Variants in CSMD3 observed in about 807,000 individuals in gnomAD.
The protein encoded by CSMD3 is CUB and Sushi multiple domains 3.
CSMD3 carries 177 observed loss-of-function variants against 435.2 expected under a neutral mutation model. The observed-to-expected ratio is 0.41, with a 90% CI of 0.36 to 0.46. The LOEUF (loss-of-function observed/expected upper bound fraction) is 0.46. CSMD3 is among the 20% of genes least tolerant of loss of function. The pLI, the probability that CSMD3 is intolerant of heterozygous loss-of-function variation, is 0.34. For synonymous variants in CSMD3, 1,656 were observed against 1,520.5 expected (o/e 1.09, Z -2.07); for missense variants, 4,265 against 4,504.6 (o/e 0.95, Z 1.52).
intron 13 of CSMD3, among the ~76,000 whole-genome samples, chr8:112,714,825 G>A (rs1259933735): frequency 1.3e-5 from 2 of 152,020 alleles, no homozygotes; most frequent in African/African-American, 4.8e-5. Context: ...AAAGACTCCT[G>A]GTTAAAAATA....
chr8:113,382,911 G>C (rs1294510428), intron 1 of CSMD3, among the ~76,000 whole-genome samples: 1 of 152,196 alleles, frequency 6.6e-6, no homozygotes, highest in Non-Finnish European at 1.5e-5. Flanking sequence ...AACATGGCAA[G>C]TGGAGGTTGC....
chr8:112,330,522 T>C (rs1447009985), intron 45 of CSMD3, among the ~76,000 whole-genome samples: 1 of 152,096 alleles, frequency 6.6e-6, no homozygotes, highest in Non-Finnish European at 1.5e-5. Context: ...CCTGGTTATT[T>C]TGAGTGACAT....
At chr8:113,186,224 A>T (rs541854826) in intron 3 of CSMD3, among the ~76,000 whole-genome samples, 7 of 152,076 alleles carry the variant, frequency 4.6e-5, no homozygotes, top group African/African-American at 1.7e-4. Context: ...CTATGTGGGC[A>T]TCCTTTTAAT....
intron 5 of CSMD3, among the ~76,000 whole-genome samples, chr8:113,042,622 T>C (rs1297288987): frequency 1.3e-5 from 2 of 152,190 alleles, no homozygotes; most frequent in Non-Finnish European, 2.9e-5. Flanking sequence ...CCTAGATTTA[T>C]GTGTCTTTTC....
rs1185721234 is a variant in CSMD3 at position 113,228,718 on chromosome 8, A to T, written c.514+49874T>A. Among the ~76,000 whole-genome samples the T allele has an allele frequency of 2.0e-5, 3 of 151,514 alleles. No individual in the cohort carries two copies. The East Asian group carries it at 5.8e-4, about 29-fold the overall frequency. On this transcript the variant is annotated intron_variant, in intron 3 of 70. Coordinates refer to ENST00000297405, the MANE Select transcript of CSMD3 (RefSeq NM_198123.2). ...TCTGATCTCTCAAGGATAGCGAAAG[A>T]GTGTGAAAATATGAAAGGAACCCCT... is the stretch of plus-strand genomic sequence containing the variant.
At chr8:113,377,106 C>A in intron 1 of CSMD3, 2 of 1,271,572 alleles carry the variant, frequency 1.6e-6, no homozygotes, top group South Asian at 1.4e-5. Context: ...CCCCCAAGGG[C>A]TGCGGCGTCG....
intron 3 of CSMD3, among the ~76,000 whole-genome samples, chr8:113,202,421 T>C (rs536144002): frequency 3.2e-4 from 48 of 152,228 alleles, no homozygotes; most frequent in African/African-American, 1.1e-3. Context: ...TGTCTTTGTT[T>C]ACTTGCAAGT....
intron 5 of CSMD3, 58 bp from the exon 6 acceptor site, chr8:113,019,237 T>A: frequency 9.1e-7 from 1 of 1,104,538 alleles, no homozygotes; most frequent in Non-Finnish European, 1.4e-6. Context: ...AGTAAACGTT[T>A]TCACAAAATT....
At chr8:113,164,123 T>C (rs2092102498) in intron 4 of CSMD3, among the ~76,000 whole-genome samples, 2 of 152,058 alleles carry the variant, frequency 1.3e-5, no homozygotes, top group Admixed American at 6.6e-5. Flanking sequence ...ATAATGCTGA[T>C]TCTAACAAAG....
At chr8:112,654,458 A>G (rs1377293117) in intron 18 of CSMD3, among the ~76,000 whole-genome samples, 1 of 152,210 alleles carries the variant, frequency 6.6e-6, no homozygotes, top group Non-Finnish European at 1.5e-5. Context: ...GATTTGACCA[A>G]ATTAATAACA....
intron 22 of CSMD3, among the ~76,000 whole-genome samples, chr8:112,599,232 A>G (rs2131406642): frequency 6.6e-6 from 1 of 151,424 alleles, no homozygotes; most frequent in African/African-American, 2.4e-5. Context: ...ACTTCTCAAA[A>G]GAAGACATTT....
In CSMD3 at chr8:112,587,050, G is replaced by T. The variant is rs1452426557; in HGVS notation, c.3885+16C>A. On this transcript the variant is annotated intron_variant, in intron 23 of 70. Transcript: ENST00000297405. ...CTAAAAATGAACAATATACAAGTAT[G>T]TCTGAGTTCACCTACCTTAAGAACA... 1 of 1,586,038 alleles carries T rather than the reference G, an allele frequency of 6.3e-7. No homozygotes were observed. Among genetic ancestry groups the T allele is most frequent in the Non-Finnish European group, 8.7e-7 (1 of 1,155,976 alleles).
intron 61 of CSMD3, among the ~76,000 whole-genome samples, chr8:112,262,134 T>C (rs1444927536): frequency 6.6e-6 from 1 of 152,084 alleles, no homozygotes; most frequent in Non-Finnish European, 1.5e-5. Flanking sequence ...TTTAAAACTT[T>C]TATATTTAAA....
intron 19 of CSMD3, among the ~76,000 whole-genome samples, chr8:112,648,692 G>A (rs1348025887): frequency 6.6e-6 from 1 of 152,162 alleles, no homozygotes; most frequent in African/African-American, 2.4e-5. Flanking sequence ...ATTAATAAAA[G>A]TTAAGCGTGT....
At chr8:112,459,356 T>TGG (rs1443242729) in intron 32 of CSMD3, among the ~76,000 whole-genome samples, 1 of 85,870 alleles carries the variant, frequency 1.2e-5, no homozygotes, top group African/African-American at 6.3e-5. Context: ...TGTGTGTGTG[T>TGG]GTGGGGGGGG....
At chr8:113,219,867 T>G (rs953631898) in intron 3 of CSMD3, among the ~76,000 whole-genome samples, 1 of 151,450 alleles carries the variant, frequency 6.6e-6, no homozygotes, top group Non-Finnish European at 1.5e-5. Context: ...TCTGGAAAAA[T>G]GTTTGAAATA....
chr8:112,752,914 T>C lies in CSMD3; in HGVS notation c.1972+47248A>G, dbSNP rs1002345611. On this transcript the variant is annotated intron_variant, in intron 13 of 70. Transcript: ENST00000297405. The stretch of plus-strand genomic sequence containing the variant: ...ATTTGTTACCGCGTGTGTGTGTGTG[T>C]GTGTGTGTGTGTGTGTGTGTGTGTG... Among the ~76,000 whole-genome samples the C allele has an allele frequency of 6.5e-4, 97 of 149,202 alleles. No homozygotes were observed. In the South Asian group the frequency reaches 0.018, roughly 28 times the overall value.
chr8:112,800,130 A>G, intron 13 of CSMD3, 32 bp downstream of exon 13: 1 of 1,379,760 alleles, frequency 7.2e-7, no homozygotes. Flanking sequence ...TGGTATTAAG[A>G]TAACATTTCC....
At chr8:112,531,139 T>C (rs1825488907) in intron 27 of CSMD3, among the ~76,000 whole-genome samples, 2 of 150,838 alleles carry the variant, frequency 1.3e-5, no homozygotes, top group South Asian at 2.1e-4. Context: ...GAGGGAAGAG[T>C]ACGGGGGACT....
Sources: gnomAD v4.1 joint callset for allele counts (sites outside exome capture counted in the v4.1 genomes callset) on GRCh38, gnomAD v4.1.1 for gene constraint, MANE v1.5 for transcripts, NCBI Gene and HGNC (gene_info 2026-07-23, HGNC 2026-07-21) for gene names.